ARSG: variants seen among roughly 807,000 people sequenced by gnomAD.
ARSG encodes the protein ASG.
In ARSG, 37 loss-of-function variants were observed where a neutral mutation model predicts 50.5. The ratio of observed to expected loss-of-function variants is 0.73; its 90% CI spans 0.56 to 0.96. ARSG has a LOEUF of 0.96. ARSG is among the 50% of genes least tolerant of loss of function. The pLI is 0.00. For missense variants in ARSG, 629 were observed against 675.3 expected (o/e 0.93, Z 0.76); for synonymous variants, 225 against 254.6 (o/e 0.88, Z 1.11).
chr17:68,331,635 TA>T (rs1427030237), intron 2 of ARSG, among the ~76,000 whole-genome samples: 5 of 152,326 alleles, frequency 3.3e-5, no homozygotes, highest in African/African-American at 1.2e-4. Flanking sequence ...GTGCTAGGAT[TA>T]CAGGCATGAG....
At chr17:68,311,003 G>C (rs1450424992) in intron 2 of ARSG, among the ~76,000 whole-genome samples, 1 of 152,230 alleles carries the variant, frequency 6.6e-6, no homozygotes, top group Non-Finnish European at 1.5e-5. Flanking sequence ...TTCAAGACCA[G>C]CCTGGCCAAC....
intron 2 of ARSG, among the ~76,000 whole-genome samples, chr17:68,333,671 AAT>A (rs2077888037): frequency 1.4e-5 from 2 of 139,514 alleles, no homozygotes; most frequent in Non-Finnish European, 3.2e-5. Context: ...TAATAATAAT[AAT>A]AAAAGAGTAA....
chr17:68,305,588 G>T (rs1341651256), intron 1 of ARSG, among the ~76,000 whole-genome samples: 3 of 152,114 alleles, frequency 2.0e-5, no homozygotes, highest in Non-Finnish European at 4.4e-5. Flanking sequence ...AAATTACATG[G>T]CTAGGATGCA....
At chr17:68,284,282 T>C (rs1485418151) in intron 1 of ARSG, among the ~76,000 whole-genome samples, 1 of 151,808 alleles carries the variant, frequency 6.6e-6, no homozygotes, top group Non-Finnish European at 1.5e-5. Context: ...GTGCCTGTAG[T>C]CCCAGCTGCT....
At chr17:68,397,500 G>T (rs2081295919) in intron 10 of ARSG, among the ~76,000 whole-genome samples, 1 of 152,120 alleles carries the variant, frequency 6.6e-6, no homozygotes, top group Non-Finnish European at 1.5e-5. Flanking sequence ...ACCTGAATTT[G>T]GGTTTGGTCT....
intron 1 of ARSG, among the ~76,000 whole-genome samples, chr17:68,261,092 C>T (rs1180032993): frequency 2.0e-5 from 3 of 152,170 alleles, no homozygotes; most frequent in African/African-American, 7.2e-5. Flanking sequence ...CAGCACAGTG[C>T]TTTCAGTGTC....
At chr17:68,431,381 C>T in the ARSG span, among the ~76,000 whole-genome samples, 13 of 151,920 alleles carry the variant, frequency 8.6e-5, no homozygotes, top group Non-Finnish European at 1.9e-4. Context: ...TGGAGCCCGG[C>T]ACGTGGCGCA....
At chr17:68,349,553 C>A (rs1192534569) in intron 4 of ARSG, among the ~76,000 whole-genome samples, 1 of 152,106 alleles carries the variant, frequency 6.6e-6, no homozygotes, top group African/African-American at 2.4e-5. Flanking sequence ...TCCATTTGTG[C>A]AAACCAAGTT....
intron 8 of ARSG, among the ~76,000 whole-genome samples, chr17:68,379,628 G>T (rs2080333462): frequency 6.6e-6 from 1 of 151,868 alleles, no homozygotes; most frequent in Non-Finnish European, 1.5e-5. Context: ...CTCAGAACAG[G>T]CACTCTACCC....
chr17:68,357,403 T>A (rs915862130), intron 6 of ARSG, among the ~76,000 whole-genome samples: 1 of 152,170 alleles, frequency 6.6e-6, no homozygotes, highest in African/African-American at 2.4e-5. Context: ...CATTCTCAAC[T>A]CTAATTCTGT....
At chr17:68,294,306 G>A (rs2076128765) in intron 1 of ARSG, among the ~76,000 whole-genome samples, 1 of 152,186 alleles carries the variant, frequency 6.6e-6, no homozygotes. Context: ...CTTGCATAGG[G>A]TCATTTGCAT....
At chr17:68,395,412 A>G (rs1259700254) in intron 10 of ARSG, among the ~76,000 whole-genome samples, 1 of 152,194 alleles carries the variant, frequency 6.6e-6, no homozygotes, top group African/African-American at 2.4e-5. Flanking sequence ...AGATGGTGAA[A>G]CCTCACCTAT....
Position 68,381,902 on chromosome 17 carries a change from G to T in ARSG, c.983-3162G>T, listed in dbSNP as rs940769991. On this transcript the variant is annotated intron_variant, in intron 8 of 11. Transcript: ENST00000621439. This position sits in a 1 kb window ranked among gnomAD's most constrained non-coding sequence, Gnocchi z 4.1. ...ACCTCCCTAGGTTTAGTGAGTGAGGGTGCTGGCTGTGTAGTCAGACCGGCG... is the reference window on the plus strand; with the variant it reads ...ACCTCCCTAGGTTTAGTGAGTGAGGTTGCTGGCTGTGTAGTCAGACCGGCG... Among the ~76,000 whole-genome samples the T allele has an allele frequency of 6.6e-6, 1 of 151,792 alleles. No individual in the cohort carries two copies. Among genetic ancestry groups the T allele is most frequent in the Non-Finnish European group, 1.5e-5 (1 of 67,998 alleles).
At chr17:68,395,904 A>G (rs1293286968) in intron 10 of ARSG, among the ~76,000 whole-genome samples, 1 of 152,194 alleles carries the variant, frequency 6.6e-6, no homozygotes, top group Non-Finnish European at 1.5e-5. Context: ...GAACAAATGA[A>G]CAAATGAGTG....
intron 1 of ARSG, among the ~76,000 whole-genome samples, chr17:68,305,621 A>C (rs1392779477): frequency 2.0e-5 from 3 of 152,224 alleles, no homozygotes; most frequent in Admixed American, 6.5e-5. Context: ...TCCATGAAAA[A>C]AATTTTTTGA....
chr17:68,378,777 C>T lies in ARSG; in HGVS notation c.983-6287C>T, dbSNP rs1030070781. Among the ~76,000 whole-genome samples the T allele has an allele frequency of 4.6e-5, 7 of 152,170 alleles. No homozygotes were observed. The highest frequency in any genetic ancestry group is 6.6e-5 in the Admixed American group (1 of 15,266). Reference sequence around the variant, plus strand: ...TTGAAGAGCAGAACTGTTCCTTCCTCCCCCTTGGTGATGAGGAAACATTCT... The same window carrying T: ...TTGAAGAGCAGAACTGTTCCTTCCTTCCCCTTGGTGATGAGGAAACATTCT... On this transcript the variant is annotated intron_variant, in intron 8 of 11. Transcript: ENST00000621439. This position sits in a 1 kb window ranked among gnomAD's most constrained non-coding sequence, Gnocchi z 4.4.
At chr17:68,450,917 G>T in the ARSG span, 1 of 1,606,626 alleles carries the variant, frequency 6.2e-7, no homozygotes, top group South Asian at 1.1e-5. Context: ...AAAGCAGCCG[G>T]GAGGTTACAT....
At chr17:68,348,776 C>A (rs558996279) in intron 4 of ARSG, among the ~76,000 whole-genome samples, 1 of 152,202 alleles carries the variant, frequency 6.6e-6, no homozygotes, top group African/African-American at 2.4e-5. Context: ...AGGAGGAAGT[C>A]GGAAAAAAAC....
At chr17:68,302,231 A>C (rs868931781) in intron 1 of ARSG, among the ~76,000 whole-genome samples, 35 of 152,278 alleles carry the variant, frequency 2.3e-4, no homozygotes, top group Middle Eastern at 3.4e-3. Context: ...GCCAGCCAGC[A>C]CACAGACCAT....
Sources: allele counts gnomAD v4.1 joint callset (sites outside exome capture counted in the v4.1 genomes callset), GRCh38; gene constraint gnomAD v4.1.1; non-coding constraint Gnocchi (gnomAD v3.1); transcripts MANE v1.5; gene names NCBI Gene and HGNC (gene_info 2026-07-23, HGNC 2026-07-21).